The following NTRK1 variants were observed in gnomAD, a reference collection of about 807,000 sequenced individuals.
NTRK1 encodes the protein neurotrophic receptor tyrosine kinase 1.
In NTRK1, 62 loss-of-function variants were observed where a neutral mutation model predicts 86.8. The ratio of observed to expected loss-of-function variants is 0.71; its 90% CI spans 0.58 to 0.88. The LOEUF is 0.88. Among genes scored for constraint, NTRK1 ranks in the 40% least tolerant of loss-of-function variants. The probability of loss-of-function intolerance (pLI) is 0.00; values close to 1 mark genes in which losing one functional copy is unlikely to be tolerated. For missense variants in NTRK1, 967 were observed against 1,078.4 expected (o/e 0.90, Z 1.45); for synonymous variants, 469 against 456.6 (o/e 1.03, Z -0.35).
chr1:156,821,849 G>A (rs1372530901), intron 1 of NTRK1, among the ~76,000 whole-genome samples: 3 of 152,178 alleles, frequency 2.0e-5, no homozygotes, highest in East Asian at 3.8e-4. Context: ...CACTGGATAA[G>A]GTTATCCTAT....
At chr1:156,852,559 A>C (rs1211321104) in intron 2 of NTRK1, among the ~76,000 whole-genome samples, 1 of 152,130 alleles carries the variant, frequency 6.6e-6, no homozygotes, top group Admixed American at 6.5e-5. Context: ...GCCTCTCCTG[A>C]GCAGCTAGGC....
At chr1:156,861,649 G>A (rs1011292227) in intron 1 of NTRK1, among the ~76,000 whole-genome samples, 13 of 152,136 alleles carry the variant, frequency 8.5e-5, no homozygotes, top group African/African-American at 3.1e-4. Context: ...GGTGGGAGGC[G>A]GTGAGGAGCT....
chr1:156,846,845 T>C (rs941700475), intron 2 of NTRK1: 1 of 1,094,792 alleles, frequency 9.1e-7, no homozygotes, highest in Non-Finnish European at 1.4e-6. Flanking sequence ...AGGACTGTCA[T>C]TGTCCTTCCA....
At chr1:156,874,778 G>A (rs2102911209) in intron 10 of NTRK1, 128 bp from the exon 11 acceptor site, 1 of 1,186,844 alleles carries the variant, frequency 8.4e-7, no homozygotes, top group Non-Finnish European at 1.3e-6. Flanking sequence ...GGGGTCCCCA[G>A]GGGAGGATGA....
Position 156,818,446 on chromosome 1 carries a change from C to A in NTRK1, c.-64+2608C>A, listed in dbSNP as rs561502614. Reference sequence around the variant, plus strand: ...GCACCTGGCACCCAAGCAGTGTACACTGTCCCCAATATGTAACCTTTTATT... The same window carrying A: ...GCACCTGGCACCCAAGCAGTGTACAATGTCCCCAATATGTAACCTTTTATT... On this transcript the variant is annotated intron_variant, in intron 1 of 16. Coordinates refer to the NTRK1 transcript ENST00000392302. Among the ~76,000 whole-genome samples, 8 of 152,330 alleles carry A rather than the reference C, an allele frequency of 5.3e-5. No individual in the cohort carries two copies. In the South Asian group the frequency reaches 1.4e-3, roughly 28 times the overall value.
At chr1:156,830,592 T>C (rs1349239343) in intron 1 of NTRK1, among the ~76,000 whole-genome samples, 1 of 141,676 alleles carries the variant, frequency 7.1e-6, no homozygotes, top group East Asian at 2.1e-4. Context: ...AGTCTCGCTC[T>C]GTTACCCAGG....
chr1:156,822,581 T>A (rs1471360657), intron 1 of NTRK1, among the ~76,000 whole-genome samples: 1 of 148,862 alleles, frequency 6.7e-6, no homozygotes, highest in East Asian at 1.9e-4. Context: ...AAAAAGTATT[T>A]TTCTCAAAGA....
intron 10 of NTRK1, 49 bp downstream of exon 10, chr1:156,874,675 G>C (rs1448250596): frequency 6.4e-7 from 1 of 1,565,996 alleles, no homozygotes; most frequent in Non-Finnish European, 8.7e-7. Context: ...CGGGAGGCTG[G>C]GTAGAGGCTC....
At position 156,868,374 on chromosome 1, in the gene NTRK1, A is replaced by C; in HGVS notation, c.574+125A>C. 2.0e-6 allele frequency: 3 copies of C among 1,534,354 alleles called. No homozygotes were observed. In the East Asian group the frequency reaches 7.3e-5, roughly 37 times the overall value. ...TGGGCACTGGCAAAGGCTGGGGGAA[A>C]CTGCCTGGGGTGACATCGCCTGGGC... On this transcript the variant is annotated intron_variant, in intron 5 of 16. Coordinates refer to ENST00000524377, the MANE Select transcript of NTRK1 (RefSeq NM_002529.4).
chr1:156,851,100 A>G (rs147554767), intron 2 of NTRK1: 1 of 694,568 alleles, frequency 1.4e-6, no homozygotes, highest in African/African-American at 1.8e-5. Context: ...CAGTCCTGAG[A>G]AGTAAGTAAT....
upstream of NTRK1, among the ~76,000 whole-genome samples, chr1:156,859,682 C>T (rs545461844): frequency 7.8e-4 from 118 of 152,092 alleles, no homozygotes; most frequent in South Asian, 2.7e-3. The surrounding 1 kb of genome is among the most constrained non-coding windows in gnomAD (Gnocchi z 6.2). Context: ...TGGTCACCTT[C>T]TTGAGCTCAG....
At chr1:156,855,476 A>C (rs1390560613) in intron 2 of NTRK1, among the ~76,000 whole-genome samples, 1 of 151,514 alleles carries the variant, frequency 6.6e-6, no homozygotes, top group East Asian at 2.0e-4. Flanking sequence ...AAGTGCTGGG[A>C]TTACAGGCGT....
At chr1:156,866,807 G>C in intron 3 of NTRK1, 103 bp from the exon 4 acceptor site, 1 of 1,260,886 alleles carries the variant, frequency 7.9e-7, no homozygotes, top group Non-Finnish European at 1.2e-6. Context: ...GGGCGGGGGA[G>C]CCAGATGTCA....
At chr1:156,864,613 C>A in intron 2 of NTRK1, 115 bp from the exon 3 acceptor site, 2 of 1,220,858 alleles carry the variant, frequency 1.6e-6, no homozygotes, top group East Asian at 2.4e-5. Flanking sequence ...CAATGAGGGG[C>A]CTGAGGAGGG....
In NTRK1 at chr1:156,881,475, C is replaced by A. The variant is rs1176849590; in HGVS notation, c.2224C>A (p.Gln742Lys). Residue 742 changes from glutamine (Q) to lysine (K), a missense_variant, in exon 17 of 17, where the codon CAG (glutamine) becomes AAG (lysine). Gln to Lys is a moderately conservative substitution (Grantham distance 53, BLOSUM62 1). Transcript: ENST00000524377. ...SNTEAIDCIT[Q>K]GRELERPRAC... ...GCCCCAGGCAATCGACTGCATCACGCAGGGACGTGAGTTGGAGCGGCCACG... is the reference window on the plus strand; with the variant it reads ...GCCCCAGGCAATCGACTGCATCACGAAGGGACGTGAGTTGGAGCGGCCACG... The A allele has an allele frequency of 5.1e-6, 8 of 1,577,752 alleles. No homozygotes were observed. The highest frequency in any genetic ancestry group is 5.2e-6 in the Non-Finnish European group (6 of 1,161,834).
intron 1 of NTRK1, among the ~76,000 whole-genome samples, chr1:156,863,670 GTGTGTGTGTGTATGTC>G (rs1034984125): frequency 1.3e-5 from 2 of 152,000 alleles, no homozygotes; most frequent in African/African-American, 4.8e-5. Context: ...TTGTGTGTGT[GTGTGTGTGTGTATGTC>G]TGTGTGTGTG....
intron 2 of NTRK1, among the ~76,000 whole-genome samples, chr1:156,847,331 G>T (rs1245358767): frequency 6.6e-6 from 1 of 152,200 alleles, no homozygotes; most frequent in South Asian, 2.1e-4. Context: ...GAAATTAAGG[G>T]GCCAGAGGCA....
At chr1:156,878,194 C>T (rs1648036478) in intron 14 of NTRK1, among the ~76,000 whole-genome samples, 1 of 152,164 alleles carries the variant, frequency 6.6e-6, no homozygotes, top group African/African-American at 2.4e-5. Context: ...TTTGTACTTC[C>T]AGTTCCCTCT....
rs2102870365 is a variant in NTRK1, at chr1:156,854,267, T to C, written c.51-10087T>C. On this transcript the variant is annotated intron_variant, in intron 2 of 16. Transcript: ENST00000392302. The surrounding 1 kb of genome is among the most constrained non-coding windows in gnomAD (Gnocchi z 4.2). ...GCTGCAGTTCTCCAGCTGACGAAGC[T>C]CTGCCACCTCTGAGCGAATATCCAG... 6.2e-7 allele frequency: 1 copy of C among 1,613,314 alleles called. No homozygotes were observed. Among genetic ancestry groups the C allele is most frequent in the Non-Finnish European group, 8.5e-7 (1 of 1,179,852 alleles).
Sources: allele counts gnomAD v4.1 joint callset (sites outside exome capture counted in the v4.1 genomes callset), GRCh38; gene constraint gnomAD v4.1.1; non-coding constraint Gnocchi (gnomAD v3.1); transcripts MANE v1.5; gene names NCBI Gene and HGNC (gene_info 2026-07-23, HGNC 2026-07-21).